The following KCNJ5 variants were observed in gnomAD, a reference collection of about 807,000 sequenced individuals.
KCNJ5 encodes the protein potassium inwardly rectifying channel subfamily J member 5, also known as G protein-activated inward rectifier potassium channel 4.
Under a neutral mutation model 20.2 loss-of-function variants are expected in KCNJ5, and 12 were observed. The ratio of observed to expected loss-of-function variants is 0.59; its 90% CI spans 0.38 to 0.96. The LOEUF is 0.96. Ranked by LOEUF, KCNJ5 falls within the 40% of genes least tolerant of loss-of-function variation. The pLI is 0.00. For missense variants in KCNJ5, 449 were observed against 557.6 expected (o/e 0.81, Z 1.96); for synonymous variants, 210 against 213.9 (o/e 0.98, Z 0.16).
chr11:128,903,250 A>G lies in KCNJ5; in HGVS notation c.-10-8014A>G, dbSNP rs80079747. 1.5e-3 allele frequency: 1,742 copies of G among 1,182,534 alleles called. 16 individuals carry two copies. In the African/African-American group the frequency reaches 0.024, roughly 16 times the overall value. 73.3% of individuals were successfully genotyped at this position (1,182,534 alleles called of 1,614,324 possible). On this transcript the variant is annotated intron_variant, in intron 1 of 2. Transcript: ENST00000529694. ...TTCTCTACATCAAAATATGAAAATGAAGCTCTAAGACATCCCATTTAAATA... is the reference window on the plus strand; with the variant it reads ...TTCTCTACATCAAAATATGAAAATGGAGCTCTAAGACATCCCATTTAAATA...
intron 1 of KCNJ5, among the ~76,000 whole-genome samples, chr11:128,898,811 G>C (rs929686458): frequency 6.6e-6 from 1 of 152,004 alleles, no homozygotes; most frequent in Non-Finnish European, 1.5e-5. Flanking sequence ...CGAATAGCTG[G>C]GACTACAGGA....
chr11:128,912,056 T>G lies in KCNJ5; in HGVS notation c.783T>G (p.Phe261Leu). ...ACCAGACAGACATCAACGTGGGCTT[T>G]GACACGGGCGACGACCGCCTCTTCC... ...PLNQTDINVG[F>L]DTGDDRLFLV... Residue 261 changes from phenylalanine (F) to leucine (L), a missense_variant, in exon 2 of 3, where the codon TTT (phenylalanine) becomes TTG (leucine). Transcript: ENST00000529694. The G allele has an allele frequency of 6.2e-7, 1 of 1,613,954 alleles. No individual in the cohort carries two copies. The highest frequency in any genetic ancestry group is 8.5e-7 in the Non-Finnish European group (1 of 1,179,990).
chr11:128,899,824 AT>A, intron 1 of KCNJ5: 1 of 152,282 alleles, frequency 6.6e-6, no homozygotes, highest in Non-Finnish European at 1.5e-5. Flanking sequence ...ATGCATGTGG[AT>A]TTTGCAAGTA....
rs956727562 is a variant in KCNJ5, at chr11:128,911,684, G to A, written c.411G>A (p.Val137=). 34 of 1,614,072 alleles carry A rather than the reference G, an allele frequency of 2.1e-5. No individual in the cohort carries two copies. The highest frequency in any genetic ancestry group is 2.8e-5 in the Non-Finnish European group (33 of 1,180,042). The change falls in exon 2 of 3, where the codon GTG becomes GTA. Residue 137 remains valine (V), a synonymous_variant. Coordinates refer to ENST00000529694, the MANE Select transcript of KCNJ5 (RefSeq NM_000890.5). The surrounding 1 kb of genome is among the most constrained non-coding windows in gnomAD (Gnocchi z 6.3). ...GTGTTGAAAACCTCAGTGGCTTCGT[G>A]TCCGCTTTCCTGTTCTCCATTGAGA... ...IPCVENLSGF[V]SAFLFSIETE...
intron 1 of KCNJ5, chr11:128,904,353 T>G (rs1944353522): frequency 8.8e-6 from 14 of 1,584,646 alleles, no homozygotes; most frequent in Non-Finnish European, 1.1e-5. Context: ...GCACTGATTT[T>G]TTTTGCCTGT....
At chr11:128,898,779 C>T (rs1295455893) in intron 1 of KCNJ5, among the ~76,000 whole-genome samples, 4 of 152,256 alleles carry the variant, frequency 2.6e-5, no homozygotes, top group African/African-American at 7.2e-5. Flanking sequence ...CTGCTGTCTG[C>T]GATTCTCATA....
chr11:128,912,053 C>T lies in KCNJ5; in HGVS notation c.780C>T (p.Gly260=). ...IPLNQTDINV[G]FDTGDDRLFL... is the part of the protein sequence containing the mutation. ...TGAACCAGACAGACATCAACGTGGG[C>T]TTTGACACGGGCGACGACCGCCTCT... The change falls in exon 2 of 3, where the codon GGC becomes GGT. Residue 260 remains glycine, a synonymous_variant. Transcript: ENST00000529694. 1 of 1,613,988 alleles carries T rather than the reference C, an allele frequency of 6.2e-7. No individual in the cohort carries two copies. The highest frequency in any genetic ancestry group is 8.5e-7 in the Non-Finnish European group (1 of 1,179,976).
At chr11:128,892,874 AT>A (rs1944117100) in intron 1 of KCNJ5, among the ~76,000 whole-genome samples, 1 of 152,132 alleles carries the variant, frequency 6.6e-6, no homozygotes, top group Non-Finnish European at 1.5e-5. Context: ...GGCAGAGCTT[AT>A]TTCTTCTGTT....
chr11:128,900,106 T>TA, intron 1 of KCNJ5: 1 of 152,326 alleles, frequency 6.6e-6, no homozygotes, highest in Non-Finnish European at 1.5e-5. Context: ...ATCTGCCCTT[T>TA]AAAAAATTGC....
chr11:128,892,701 T>A (rs1028878120), intron 1 of KCNJ5, among the ~76,000 whole-genome samples: 1 of 152,222 alleles, frequency 6.6e-6, no homozygotes, highest in Admixed American at 6.5e-5. Flanking sequence ...CTCTCCTATA[T>A]CTGACTCCAA....
At chr11:128,910,156 T>A (rs1944475795) in intron 1 of KCNJ5, among the ~76,000 whole-genome samples, 2 of 152,236 alleles carry the variant, frequency 1.3e-5, no homozygotes, top group Non-Finnish European at 2.9e-5. Context: ...ATGTTGTCTG[T>A]TATTGTTAAT....
chr11:128,910,914 G>T (rs1448756654), intron 1 of KCNJ5, among the ~76,000 whole-genome samples: 1 of 152,152 alleles, frequency 6.6e-6, no homozygotes, highest in Non-Finnish European at 1.5e-5. Context: ...GTAATGCGTG[G>T]GACACAGTAG....
chr11:128,913,985 G>C (rs932960606), intron 2 of KCNJ5, among the ~76,000 whole-genome samples: 2 of 152,156 alleles, frequency 1.3e-5, no homozygotes, highest in Admixed American at 1.3e-4. Context: ...CCAGGGACTG[G>C]TGCCAGAGGT....
chr11:128,911,229 G>T lies in KCNJ5; in HGVS notation c.-10-35G>T, dbSNP rs1410426963. The T allele has an allele frequency of 1.3e-6, 2 of 1,547,242 alleles. No individual in the cohort carries two copies. The highest frequency in any genetic ancestry group is 2.2e-5 in the East Asian group (1 of 44,520). On this transcript the variant is annotated intron_variant, in intron 1 of 2. Transcript: ENST00000529694. This position sits in a 1 kb window ranked among gnomAD's most constrained non-coding sequence, Gnocchi z 6.3. ...TCTTGTGTTCTAGTGAATCAGAACA[G>T]CCCACTTCACTGATGGTGTCTTTTT...
intron 1 of KCNJ5, among the ~76,000 whole-genome samples, chr11:128,907,556 G>A (rs1489266858): frequency 6.6e-6 from 1 of 152,204 alleles, no homozygotes; most frequent in African/African-American, 2.4e-5. Context: ...TGCTGGACTT[G>A]AAGCTCTGTC....
intron 1 of KCNJ5, among the ~76,000 whole-genome samples, chr11:128,893,662 C>G (rs1944128275): frequency 6.7e-6 from 1 of 150,240 alleles, no homozygotes; most frequent in Admixed American, 6.7e-5. Context: ...TGTGCTCTAT[C>G]CAGTGAGCAG....
At chr11:128,904,976 C>A (rs546344339) in intron 1 of KCNJ5, among the ~76,000 whole-genome samples, 1 of 152,358 alleles carries the variant, frequency 6.6e-6, no homozygotes, top group South Asian at 2.1e-4. Flanking sequence ...TTTATTACCA[C>A]CGGGCTCTGT....
chr11:128,908,186 G>A (rs1050227086), intron 1 of KCNJ5, among the ~76,000 whole-genome samples: 4 of 152,132 alleles, frequency 2.6e-5, no homozygotes, highest in Admixed American at 2.0e-4. Context: ...TTTAAAATGG[G>A]GTTAATGGGA....
intron 1 of KCNJ5, among the ~76,000 whole-genome samples, chr11:128,904,044 C>T (rs899320037): frequency 6.6e-6 from 1 of 152,196 alleles, no homozygotes; most frequent in African/African-American, 2.4e-5. Context: ...AGCAAGCTAC[C>T]ACATCACTCT....
Sources: gnomAD v4.1 joint callset for allele counts (sites outside exome capture counted in the v4.1 genomes callset) on GRCh38, gnomAD v4.1.1 for gene constraint, Gnocchi (gnomAD v3.1) non-coding constraint, MANE v1.5 for transcripts, NCBI Gene and HGNC (gene_info 2026-07-23, HGNC 2026-07-21) for gene names.